The following ATXN8OS variants were observed in gnomAD, a reference collection of about 807,000 sequenced individuals.
ATXN8OS encodes ATXN8 opposite strand lncRNA.
chr13:70,165,943 T>G (rs1384884090), intron 4 of ATXN8OS, among the ~76,000 whole-genome samples: 1 of 151,996 alleles, frequency 6.6e-6, no homozygotes, highest in Non-Finnish European at 1.5e-5. Flanking sequence ...ATCAATTAGT[T>G]TAGAGCAAAA....
At chr13:70,145,742 AGATT>A (rs1888775223) in intron 3 of ATXN8OS, among the ~76,000 whole-genome samples, 2 of 152,172 alleles carry the variant, frequency 1.3e-5, no homozygotes, top group African/African-American at 4.8e-5. Context: ...CAGCTTAAGG[AGATT>A]TTGGGCTGAG....
chr13:70,145,016 T>G (rs1215096014), intron 3 of ATXN8OS, among the ~76,000 whole-genome samples: 1 of 152,126 alleles, frequency 6.6e-6, no homozygotes, highest in Non-Finnish European at 1.5e-5. Context: ...CCATCTTGAA[T>G]TAATTTTTGT....
intron 4 of ATXN8OS, among the ~76,000 whole-genome samples, chr13:70,161,698 C>A (rs976484042): frequency 6.6e-6 from 1 of 150,820 alleles, no homozygotes; most frequent in African/African-American, 2.4e-5. Flanking sequence ...GAGGCGGTCT[C>A]TGTTTCATTT....
At chr13:70,157,621 T>C (rs148612368) in intron 4 of ATXN8OS, among the ~76,000 whole-genome samples, 306 of 152,144 alleles carry the variant, frequency 2.0e-3, no homozygotes, top group African/African-American at 6.8e-3. Flanking sequence ...CATTTCTGAG[T>C]GTGGAGCTCA....
Position 70,160,785 on chromosome 13 carries a change from T to C in ATXN8OS, n.574-8968T>C. ...TATATAATATGTAAATATATAAATA[T>C]TTATTTATAAATATATTTATTATAA... On this transcript the variant is annotated intron_variant and non_coding_transcript_variant, in intron 4 of 4. Transcript: ENST00000678624. Among the ~76,000 whole-genome samples, 2 of 37,792 alleles carry C rather than the reference T, an allele frequency of 5.3e-5. 1 individual carries two copies. Among genetic ancestry groups the C allele is most frequent in the Non-Finnish European group, 2.2e-4 (2 of 9,218 alleles). The allele number at this position is 37,792 out of a possible 152,430, so 24.8% of individuals were successfully genotyped here.
At chr13:70,171,481 A>C (rs2325255) in exon 5 of ATXN8OS, among the ~76,000 whole-genome samples, 1 of 152,056 alleles carries the variant, frequency 6.6e-6, no homozygotes, top group African/African-American at 2.4e-5. Context: ...CATTTTAATA[A>C]GACTCGTGGT....
intron 3 of ATXN8OS, chr13:70,131,469 C>T (rs371041811): frequency 2.3e-5 from 9 of 398,372 alleles, no homozygotes; most frequent in African/African-American, 1.2e-4. Flanking sequence ...CTGTCCCTTA[C>T]CTTTTCTCCA....
At chr13:70,124,029 C>T (rs189082129) in intron 2 of ATXN8OS, among the ~76,000 whole-genome samples, 3 of 152,020 alleles carry the variant, frequency 2.0e-5, no homozygotes, top group Admixed American at 6.6e-5. Context: ...TTTAGAGACA[C>T]GACATTAAAT....
intron 4 of ATXN8OS, among the ~76,000 whole-genome samples, chr13:70,167,755 A>G (rs1889095495): frequency 1.0e-5 from 1 of 99,202 alleles, no homozygotes; most frequent in African/African-American, 4.3e-5. Context: ...TTTTTGAGAC[A>G]GACAGAGTCT....
At chr13:70,146,357 G>A (rs200548522) in intron 3 of ATXN8OS, among the ~76,000 whole-genome samples, 8,053 of 150,618 alleles carry the variant, frequency 0.053, 389 homozygotes, top group East Asian at 0.27. Flanking sequence ...TCAGTGTGGC[G>A]ATTCTTCAGG....
intron 3 of ATXN8OS, among the ~76,000 whole-genome samples, chr13:70,141,640 C>G (rs966695767): frequency 1.3e-4 from 20 of 151,984 alleles, no homozygotes; most frequent in African/African-American, 4.8e-4. Flanking sequence ...AACCATTTCA[C>G]TCTCTTAACT....
At chr13:70,110,230 G>A (rs770685155) in intron 1 of ATXN8OS, among the ~76,000 whole-genome samples, 2 of 152,014 alleles carry the variant, frequency 1.3e-5, no homozygotes, top group Non-Finnish European at 2.9e-5. Flanking sequence ...GTAACATTTA[G>A]TATGTTTAAA....
intron 4 of ATXN8OS, among the ~76,000 whole-genome samples, chr13:70,153,505 A>G (rs1012048225): frequency 2.3e-4 from 35 of 152,208 alleles, no homozygotes; most frequent in African/African-American, 7.9e-4. Context: ...AACCCGGGAG[A>G]TGGAGGTTGC....
intron 4 of ATXN8OS, among the ~76,000 whole-genome samples, chr13:70,155,656 A>G (rs141817682): frequency 1.5e-3 from 234 of 152,304 alleles, no homozygotes; most frequent in African/African-American, 5.2e-3. Context: ...AGAATGTTTC[A>G]ATCTTCGATT....
intron 4 of ATXN8OS, among the ~76,000 whole-genome samples, chr13:70,151,852 C>A (rs1039191845): frequency 6.6e-6 from 1 of 152,032 alleles, no homozygotes; most frequent in African/African-American, 2.4e-5. Context: ...GTGGTGATCA[C>A]TGGAATGGTA....
chr13:70,125,879 T>C (rs1340365836), intron 2 of ATXN8OS, among the ~76,000 whole-genome samples: 1 of 152,064 alleles, frequency 6.6e-6, no homozygotes, highest in Non-Finnish European at 1.5e-5. Context: ...TCTGCTTCTC[T>C]TACTCCCAAA....
chr13:70,153,569 C>A (rs1350660988), intron 4 of ATXN8OS, among the ~76,000 whole-genome samples: 1 of 151,564 alleles, frequency 6.6e-6, no homozygotes, highest in Non-Finnish European at 1.5e-5. Context: ...TGAGAGACTG[C>A]AAAAAAATAA....
chr13:70,147,905 T>C (rs1814923235), intron 4 of ATXN8OS, among the ~76,000 whole-genome samples: 1 of 152,176 alleles, frequency 6.6e-6, no homozygotes, highest in African/African-American at 2.4e-5. Flanking sequence ...ACATAATACA[T>C]GTAAAGCATA....
At chr13:70,130,482 T>C (rs1888515761) in intron 3 of ATXN8OS, among the ~76,000 whole-genome samples, 1 of 152,194 alleles carries the variant, frequency 6.6e-6, no homozygotes, top group African/African-American at 2.4e-5. Context: ...GTAAACTTTA[T>C]TGTGATAAGC....
Sources: gnomAD v4.1 joint callset for allele counts (sites outside exome capture counted in the v4.1 genomes callset) on GRCh38, gnomAD v4.1.1 for gene constraint, MANE v1.5 for transcripts, NCBI Gene and HGNC (gene_info 2026-07-23, HGNC 2026-07-21) for gene names.